Variants in KCNMA1 observed in about 807,000 individuals in gnomAD.
KCNMA1 encodes potassium calcium-activated channel subfamily M alpha 1.
KCNMA1 carries 29 observed loss-of-function variants against 140.0 expected under a neutral mutation model. The ratio of observed to expected loss-of-function variants is 0.21; its 90% CI spans 0.15 to 0.28. The LOEUF is 0.28. KCNMA1 is among the 10% of genes least tolerant of loss of function. The pLI is 1.00. For missense variants in KCNMA1, 880 were observed against 1,602.2 expected (o/e 0.55, Z 7.70); for synonymous variants, 612 against 611.9 (o/e 1.00, Z 0.00).
At position 77,607,636 on chromosome 10, in the gene KCNMA1, G is replaced by C. The variant is rs534929542; in HGVS notation, c.378+29629C>G. ...AGATGGAGCAATGTGCTTTGGATACGGAGCAGAAAGCCACAAGACTGGGGA... is the reference window on the plus strand; with the variant it reads ...AGATGGAGCAATGTGCTTTGGATACCGAGCAGAAAGCCACAAGACTGGGGA... On this transcript the variant is annotated intron_variant, in intron 1 of 27. Transcript: ENST00000286628. Among the ~76,000 whole-genome samples, 11 of 152,198 alleles carry C rather than the reference G, an allele frequency of 7.2e-5. No individual in the cohort carries two copies. In the East Asian group the frequency reaches 1.9e-3, roughly 27 times the overall value.
chr10:77,202,608 G>C (rs2042817954), intron 3 of KCNMA1, among the ~76,000 whole-genome samples: 1 of 152,062 alleles, frequency 6.6e-6, no homozygotes, highest in South Asian at 2.1e-4. Flanking sequence ...GAAGGTGCAG[G>C]GTGACACTAA....
At chr10:76,967,620 G>A (rs939963585) in intron 20 of KCNMA1, among the ~76,000 whole-genome samples, 13 of 152,180 alleles carry the variant, frequency 8.5e-5, no homozygotes, top group South Asian at 2.1e-4. Context: ...ATAGAAAGAC[G>A]TGGTAAGGGA....
intron 1 of KCNMA1, among the ~76,000 whole-genome samples, chr10:77,547,768 C>T (rs781161844): frequency 2.0e-5 from 3 of 152,168 alleles, no homozygotes; most frequent in Non-Finnish European, 4.4e-5. Context: ...ACTAGCAAGA[C>T]CAAAGATGGG....
At chr10:77,448,587 A>T (rs1309856678) in intron 1 of KCNMA1, among the ~76,000 whole-genome samples, 1 of 152,202 alleles carries the variant, frequency 6.6e-6, no homozygotes, top group Non-Finnish European at 1.5e-5. Flanking sequence ...GGTCTGTCCA[A>T]TTCCAGGGTT....
At chr10:77,618,330 A>G (rs1201520790) in intron 1 of KCNMA1, among the ~76,000 whole-genome samples, 1 of 152,196 alleles carries the variant, frequency 6.6e-6, no homozygotes, top group African/African-American at 2.4e-5. Flanking sequence ...ACTAATACAC[A>G]GTTTATCAAA....
At chr10:77,031,783 C>T (rs1262376048) in intron 15 of KCNMA1, among the ~76,000 whole-genome samples, 1 of 152,224 alleles carries the variant, frequency 6.6e-6, no homozygotes, top group African/African-American at 2.4e-5. Flanking sequence ...CCCCTCTAGA[C>T]TGAGTTTTTC....
intron 1 of KCNMA1, among the ~76,000 whole-genome samples, chr10:77,530,280 T>C (rs1286605084): frequency 6.6e-6 from 1 of 152,172 alleles, no homozygotes; most frequent in East Asian, 1.9e-4. Flanking sequence ...GAGAGATCCT[T>C]GGGGAAAGAC....
At chr10:77,028,104 T>G (rs967066856) in intron 15 of KCNMA1, among the ~76,000 whole-genome samples, 1 of 152,104 alleles carries the variant, frequency 6.6e-6, no homozygotes, top group Non-Finnish European at 1.5e-5. Flanking sequence ...TGCTGGATGC[T>G]CAAAGTGCAA....
intron 1 of KCNMA1, among the ~76,000 whole-genome samples, chr10:77,568,500 T>C (rs1410573252): frequency 2.0e-5 from 3 of 151,878 alleles, no homozygotes; most frequent in Non-Finnish European, 4.4e-5. Context: ...ATTATCTCAA[T>C]AGATGCAGAA....
chr10:77,202,774 C>G (rs1045486131), intron 3 of KCNMA1, among the ~76,000 whole-genome samples: 3 of 152,180 alleles, frequency 2.0e-5, no homozygotes, highest in African/African-American at 4.8e-5. Flanking sequence ...ATCTACCACA[C>G]TCTCTACTAA....
intron 5 of KCNMA1, among the ~76,000 whole-genome samples, chr10:77,179,733 T>C (rs1361979184): frequency 1.3e-5 from 2 of 152,134 alleles, no homozygotes; most frequent in Non-Finnish European, 2.9e-5. Flanking sequence ...TCCCAGGAGA[T>C]GTGACCTTGG....
intron 19 of KCNMA1, chr10:76,978,639 C>T (rs2078422041): frequency 6.6e-6 from 1 of 152,240 alleles, no homozygotes; most frequent in South Asian, 2.1e-4. Context: ...TTTATGGAGC[C>T]TGTAAAGGAA....
chr10:77,191,558 A>G (rs1455554310), intron 3 of KCNMA1, among the ~76,000 whole-genome samples: 1 of 152,118 alleles, frequency 6.6e-6, no homozygotes, highest in African/African-American at 2.4e-5. Context: ...TGTGTGTTCA[A>G]TAAGTTGTGT....
chr10:77,247,354 T>C (rs1224299692), intron 3 of KCNMA1, among the ~76,000 whole-genome samples: 1 of 152,182 alleles, frequency 6.6e-6, no homozygotes, highest in Admixed American at 6.6e-5. Flanking sequence ...CTCGCTCTCA[T>C]GCTGACACTG....
chr10:77,432,154 C>T (rs1248219170), intron 1 of KCNMA1, among the ~76,000 whole-genome samples: 2 of 152,206 alleles, frequency 1.3e-5, no homozygotes, highest in African/African-American at 4.8e-5. Context: ...TGAGCACCTT[C>T]GGGTTACTGG....
At chr10:77,498,651 G>A (rs980403133) in intron 1 of KCNMA1, 1 of 152,204 alleles carries the variant, frequency 6.6e-6, no homozygotes, top group Non-Finnish European at 1.5e-5. Flanking sequence ...TCCGAGAGTA[G>A]CATTCTATGG....
At chr10:76,914,673 C>T (rs1290464573) in intron 24 of KCNMA1, 27 of 406,110 alleles carry the variant, frequency 6.6e-5, no homozygotes, top group Non-Finnish European at 1.2e-4. Context: ...ATGCCCCAAT[C>T]GCAAATCCAT....
intron 3 of KCNMA1, among the ~76,000 whole-genome samples, chr10:77,233,098 C>T (rs2054171743): frequency 6.6e-6 from 1 of 152,054 alleles, no homozygotes; most frequent in Non-Finnish European, 1.5e-5. Flanking sequence ...ACTATGTTGC[C>T]CACACTGGAC....
chr10:77,352,690 T>C (rs1202516540), intron 2 of KCNMA1, among the ~76,000 whole-genome samples: 2 of 152,058 alleles, frequency 1.3e-5, no homozygotes, highest in Admixed American at 1.3e-4. Flanking sequence ...GCTCCTTCTG[T>C]AGTGAGCACT....
Sources: allele counts gnomAD v4.1 joint callset (sites outside exome capture counted in the v4.1 genomes callset), GRCh38; gene constraint gnomAD v4.1.1; transcripts MANE v1.5; gene names NCBI Gene and HGNC (gene_info 2026-07-23, HGNC 2026-07-21).